ANAPC5: variants seen among roughly 807,000 people sequenced by gnomAD.
ANAPC5 encodes anaphase-promoting complex subunit 5.
A neutral mutation model predicts 91.3 loss-of-function variants in ANAPC5; 60 were observed. That is an observed-to-expected ratio of 0.66 (90% CI 0.53 to 0.81). The LOEUF is 0.81. ANAPC5 is among the 40% of genes least tolerant of loss of function. ANAPC5 has a pLI of 0.00. For missense variants in ANAPC5, 690 were observed against 931.5 expected, an observed-to-expected ratio of 0.74 and a Z score of 3.37; for synonymous variants, 340 against 364.1, an observed-to-expected ratio of 0.93 and a Z score of 0.75.
At chr12:121,309,906 T>G (rs1042751054) in intron 15 of ANAPC5, 43 bp from the exon 16 acceptor site, 2 of 1,525,602 alleles carry the variant, frequency 1.3e-6, no homozygotes, top group Non-Finnish European at 8.8e-7. Flanking sequence ...CCAAACCCAC[T>G]GCCCTTCACC....
rs115934510 is a variant in ANAPC5 at position 121,308,547 on chromosome 12, G to A, written c.2201C>T (p.Ala734Val). 1.4e-5 allele frequency: 22 copies of A among 1,613,954 alleles called. No homozygotes were observed. Among genetic ancestry groups the A allele is most frequent in the East Asian group, 2.2e-5 (1 of 44,874 alleles). Residue 734 changes from alanine (A) to valine (V), a missense_variant, in exon 17 of 17, where the codon GCG becomes GTG. Physicochemically the swap from Ala to Val is moderately conservative, Grantham distance 64. Around this residue, in one of 5 missense-constraint regions of ANAPC5, gnomAD observed 317 missense variants for 438.7 expected, o/e 0.72. Coordinates refer to ENST00000261819, the MANE Select transcript of ANAPC5 (RefSeq NM_016237.5). ...CTGATGCAGCTGCCGGAAGAGCATC[G>A]CACACCGGTTCCTCTCCTGGGTCTT... is the stretch of plus-strand genomic sequence containing the variant. ...LGKTQERNRC[A>V]MLFRQLHQEL...
intron 15 of ANAPC5, among the ~76,000 whole-genome samples, chr12:121,315,465 G>A (rs546770509): frequency 3.4e-4 from 51 of 150,580 alleles, no homozygotes; most frequent in Admixed American, 1.6e-3. Flanking sequence ...AATTGCAAGG[G>A]ATGCTGAATA....
chr12:121,309,739 G>A lies in ANAPC5; in HGVS notation c.2018C>T (p.Ala673Val). 6.2e-7 allele frequency: 1 copy of A among 1,614,100 alleles called. No individual in the cohort carries two copies. The highest frequency in any genetic ancestry group is 8.5e-7 in the Non-Finnish European group (1 of 1,179,996). ...AMFLVAKCQV[A>V]SAASYDQPKK... Reference sequence around the variant, plus strand: ...CGGCTGATCGTAGGAAGCTGCTGAAGCCACCTGGCACTTGGCCACTAAGAA... The same window carrying A: ...CGGCTGATCGTAGGAAGCTGCTGAAACCACCTGGCACTTGGCCACTAAGAA... The change falls in exon 16 of 17, where the codon GCT becomes GTT. Residue 673 changes from alanine (A) to valine (V), a missense_variant. Transcript: ENST00000261819.
chr12:121,334,517 C>CT (rs1445751109), intron 7 of ANAPC5: 6 of 152,180 alleles, frequency 3.9e-5, no homozygotes, highest in African/African-American at 1.4e-4. Flanking sequence ...AATTTCCCAC[C>CT]TTTCACCATT....
At position 121,318,337 on chromosome 12, in the gene ANAPC5, G is replaced by A. The variant is rs764748647; in HGVS notation, c.1833C>T (p.Ser611=). ...LPMLLQALAL[S]KEYRLQYLAS... Reference sequence around the variant, plus strand: ...CCAAGTACTGTAACCGGTACTCCTTGGAGAGGGCCAGAGCCTGCAGGAGCA... The same window carrying A: ...CCAAGTACTGTAACCGGTACTCCTTAGAGAGGGCCAGAGCCTGCAGGAGCA... Residue 611 remains serine, a synonymous_variant, in exon 15 of 17, where the codon TCC becomes TCT. Transcript: ENST00000261819. 1 of 1,607,234 alleles carries A rather than the reference G, an allele frequency of 6.2e-7. No individual in the cohort carries two copies.
At chr12:121,311,602 G>A (rs536480245) in intron 15 of ANAPC5, among the ~76,000 whole-genome samples, 4 of 152,162 alleles carry the variant, frequency 2.6e-5, no homozygotes, top group Non-Finnish European at 5.9e-5. Flanking sequence ...GGAAGCTGAG[G>A]CAGGTGGATC....
Position 121,345,848 on chromosome 12 carries a change from AC to A in ANAPC5, c.580del (p.Val194TyrfsTer3). On this transcript the variant is annotated frameshift_variant, in exon 4 of 17. Transcript: ENST00000261819. LOFTEE classifies it high-confidence loss of function. The part of the protein sequence containing the change: ...ERKMEKEELD[V>X]SVREEEVSCS... ...AGAAAAGCCAAATTACCTTACAGAT[AC>A]ATCAAGTTCTTCTTTTTCCATTTTT... 2 of 1,613,082 alleles carry A rather than the reference AC, an allele frequency of 1.2e-6. No individual in the cohort carries two copies. Among genetic ancestry groups the A allele is most frequent in the Non-Finnish European group, 1.7e-6 (2 of 1,179,720 alleles).
chr12:121,345,753 G>A (rs1233757746), intron 4 of ANAPC5, 86 bp downstream of exon 4: 11 of 1,364,032 alleles, frequency 8.1e-6, no homozygotes, highest in South Asian at 5.3e-5. Flanking sequence ...AAGCCAGCAC[G>A]TGAATTCTAA....
At position 121,352,400 on chromosome 12, in the gene ANAPC5, C is replaced by G; in HGVS notation, c.-60G>C. 1 of 1,365,872 alleles carries G rather than the reference C, an allele frequency of 7.3e-7. No homozygotes were observed. Among genetic ancestry groups the G allele is most frequent in the Non-Finnish European group, 1.0e-6 (1 of 980,950 alleles). 84.6% of individuals were successfully genotyped at this position (1,365,872 alleles called of 1,614,324 possible). On this transcript the variant is annotated 5_prime_UTR_variant, in exon 1 of 17. Transcript: ENST00000261819. ...GCTGCCGCCAGTTGTCACCACAAGG[C>G]ACAACACTACCGGGTCTACATCTCC...
At chr12:121,338,060 T>C (rs188798508) in intron 5 of ANAPC5, among the ~76,000 whole-genome samples, 4 of 152,240 alleles carry the variant, frequency 2.6e-5, no homozygotes, top group South Asian at 2.1e-4. Flanking sequence ...TTTACCTAGA[T>C]GAGTTTTTCT....
At chr12:121,319,949 T>TA in intron 12 of ANAPC5, 131 bp from the exon 13 acceptor site, 25 of 914,966 alleles carry the variant, frequency 2.7e-5, no homozygotes, top group African/African-American at 5.3e-5. Context: ...TGGGGGGATT[T>TA]AAAATTTTTT....
At chr12:121,344,944 T>C (rs1026219637) in intron 4 of ANAPC5, among the ~76,000 whole-genome samples, 4 of 152,182 alleles carry the variant, frequency 2.6e-5, no homozygotes, top group African/African-American at 4.8e-5. Context: ...TTAATATTCT[T>C]AGGGGCTTCC....
chr12:121,309,862 A>G lies in ANAPC5; in HGVS notation c.1895T>C (p.Leu632Pro). The change falls in exon 16 of 17, where the codon CTC becomes CCC. Residue 632 changes from leucine (L) to proline (P), a missense_variant and splice_region_variant. By Grantham distance (98) the Leu-to-Pro change is moderately conservative. This residue lies in a region of ANAPC5 where 317 missense variants were observed against 438.7 expected (regional missense o/e 0.72). Transcript: ENST00000261819. Reference sequence around the variant, plus strand: ...GGCCTGTTCTGGGATTCCAAGAATGAGCTGAAAAAGAAACATCATGGCACT... The same window carrying G: ...GGCCTGTTCTGGGATTCCAAGAATGGGCTGAAAAAGAAACATCATGGCACT... ...ETVLNLAFAQ[L>P]ILGIPEQALS... 2 of 1,612,510 alleles carry G rather than the reference A, an allele frequency of 1.2e-6. No homozygotes were observed. Among genetic ancestry groups the G allele is most frequent in the Non-Finnish European group, 1.7e-6 (2 of 1,179,366 alleles).
At chr12:121,309,389 G>A (rs971477615) in intron 16 of ANAPC5, among the ~76,000 whole-genome samples, 16 of 151,452 alleles carry the variant, frequency 1.1e-4, no homozygotes, top group Non-Finnish European at 2.2e-4. Flanking sequence ...AGTGAGCCGA[G>A]ATCACGCCAC....
chr12:121,318,316 G>A lies in ANAPC5; in HGVS notation c.1854C>T (p.Tyr618=). 6.3e-7 allele frequency: 1 copy of A among 1,585,930 alleles called. No individual in the cohort carries two copies. Among genetic ancestry groups the A allele is most frequent in the Non-Finnish European group, 8.6e-7 (1 of 1,169,364 alleles). ...AGTTCAGCACTGTTTCAGAGGCCAA[G>A]TACTGTAACCGGTACTCCTTGGAGA... ...LALSKEYRLQ[Y]LASETVLNLA... Residue 618 remains tyrosine, a synonymous_variant, in exon 15 of 17, where the codon TAC becomes TAT. Coordinates refer to ENST00000261819, the MANE Select transcript of ANAPC5 (RefSeq NM_016237.5).
chr12:121,339,868 G>GTTTT (rs71079054), intron 5 of ANAPC5, among the ~76,000 whole-genome samples: 2 of 104,548 alleles, frequency 1.9e-5, no homozygotes, highest in African/African-American at 3.6e-5. Context: ...TTTTCTTCCA[G>GTTTT]TTTTTTTTTT....
chr12:121,349,007 G>A (rs551911299), intron 1 of ANAPC5, among the ~76,000 whole-genome samples: 3 of 152,280 alleles, frequency 2.0e-5, no homozygotes, highest in Admixed American at 2.0e-4. Flanking sequence ...GCTCACGCCT[G>A]TAATACCAGC....
At chr12:121,326,189 C>T (rs1490105600) in intron 11 of ANAPC5, among the ~76,000 whole-genome samples, 9 of 152,100 alleles carry the variant, frequency 5.9e-5, no homozygotes, top group Non-Finnish European at 1.5e-5. Context: ...AACATGTTTG[C>T]TATAGGGAAG....
Position 121,318,278 on chromosome 12 carries a change from T to G in ANAPC5, c.1892A>C (p.Gln631Pro). ...CTATAAAAACAGAGATCGGCTTACC[T>G]GCGCAAAAGCCAAGTTCAGCACTGT... ...SETVLNLAFA[Q>P]LILGIPEQAL... Residue 631 changes from glutamine (Q) to proline (P), a missense_variant and splice_region_variant, in exon 15 of 17, where the codon CAG becomes CCG. By Grantham distance (76) the Gln-to-Pro change is moderately conservative. This residue lies in a region of ANAPC5 where 317 missense variants were observed against 438.7 expected (regional missense o/e 0.72). Coordinates refer to ENST00000261819, the MANE Select transcript of ANAPC5 (RefSeq NM_016237.5). 2.0e-6 allele frequency: 3 copies of G among 1,526,814 alleles called. No individual in the cohort carries two copies. The allele number at this position is 1,526,814 out of a possible 1,614,324, so 94.6% of individuals were successfully genotyped here. A position where few individuals can be genotyped will look rare whatever the true frequency, so the allele number is the denominator to read the frequency against.
Sources: allele counts gnomAD v4.1 joint callset (sites outside exome capture counted in the v4.1 genomes callset), GRCh38; gene constraint gnomAD v4.1.1; regional missense constraint gnomAD v4.1.1; transcripts MANE v1.5; gene names NCBI Gene and HGNC (gene_info 2026-07-23, HGNC 2026-07-21).